The following LRRC2 variants were observed in gnomAD, a reference collection of about 807,000 sequenced individuals.
LRRC2 encodes leucine rich repeat containing 2, also known as leucine-rich repeat-containing protein 2.
Under a neutral mutation model 40.2 loss-of-function variants are expected in LRRC2, and 27 were observed. The observed-to-expected ratio is 0.67, with a 90% CI of 0.49 to 0.93. The LOEUF (loss-of-function observed/expected upper bound fraction) is 0.93, where lower values mean the gene tolerates loss of function less well. Ranked by LOEUF, LRRC2 falls within the 40% of genes least tolerant of loss-of-function variation. LRRC2 has a pLI of 0.00. For missense variants in LRRC2, 402 were observed against 439.6 expected, an observed-to-expected ratio of 0.91 and a Z score of 0.76; for synonymous variants, 147 against 158.9, an observed-to-expected ratio of 0.92 and a Z score of 0.56.
intron 6 of LRRC2, among the ~76,000 whole-genome samples, chr3:46,528,974 A>G (rs1470309750): frequency 1.3e-5 from 2 of 152,110 alleles, no homozygotes; most frequent in African/African-American, 4.8e-5. Context: ...AAAAGTAGCC[A>G]GGCATGATGG....
At chr3:46,554,567 GGGAGGC>G (rs1704744042) in intron 1 of LRRC2, among the ~76,000 whole-genome samples, 1 of 151,766 alleles carries the variant, frequency 6.6e-6, no homozygotes, top group Non-Finnish European at 1.5e-5. Context: ...GCTTGAACCT[GGGAGGC>G]GGAGGTTGCA....
chr3:46,538,175 G>A (rs530189441), intron 4 of LRRC2, among the ~76,000 whole-genome samples: 8 of 152,256 alleles, frequency 5.3e-5, no homozygotes, highest in South Asian at 4.1e-4. Flanking sequence ...ATAACTATGC[G>A]AAACCACTGG....
chr3:46,547,494 A>C (rs950102975), intron 2 of LRRC2, among the ~76,000 whole-genome samples: 3 of 150,014 alleles, frequency 2.0e-5, no homozygotes, highest in Middle Eastern at 3.5e-3. Context: ...CAAAAAATAC[A>C]AGAAAAAAAA....
rs571972119 is a variant in LRRC2 at position 46,550,477 on chromosome 3, G to A, written c.125+990C>T. 3.3e-4 allele frequency among the ~76,000 whole-genome samples: 46 copies of A among 141,406 alleles called. 1 individual carries two copies. Among genetic ancestry groups the A allele is most frequent in the South Asian group, 3.0e-3 (13 of 4,302 alleles). 92.8% of individuals were successfully genotyped at this position (141,406 alleles called of 152,430 possible). ...CAGCTCACTGCAAGCTCTGCCTCCCGGGTTCACGCCATTCTCCTGCCTTCC... is the reference window on the plus strand; with the variant it reads ...CAGCTCACTGCAAGCTCTGCCTCCCAGGTTCACGCCATTCTCCTGCCTTCC... On this transcript the variant is annotated intron_variant, in intron 2 of 8. Coordinates refer to ENST00000395905, the MANE Select transcript of LRRC2 (RefSeq NM_024512.5).
chr3:46,521,573 G>A lies in LRRC2; in HGVS notation c.1015C>T (p.His339Tyr). Residue 339 changes from histidine to tyrosine, a missense_variant, in exon 8 of 9, where the codon CAT (histidine) becomes TAT (tyrosine). Coordinates refer to ENST00000395905, the MANE Select transcript of LRRC2 (RefSeq NM_024512.5). ...GCTTTCATAACTTCTTTATCAAAAT[G>A]TTGGCGATCCCGTTCACTTTCCATT... ...EIMESERDRQHFDKEVMKAYI... is the reference protein window; with the variant it reads ...EIMESERDRQYFDKEVMKAYI... The A allele has an allele frequency of 6.2e-7, 1 of 1,612,806 alleles. No individual in the cohort carries two copies. Among genetic ancestry groups the A allele is most frequent in the Non-Finnish European group, 8.5e-7 (1 of 1,179,556 alleles).
chr3:46,562,026 G>T (rs182244944), intron 1 of LRRC2, among the ~76,000 whole-genome samples: 1 of 152,298 alleles, frequency 6.6e-6, no homozygotes, highest in East Asian at 1.9e-4. Flanking sequence ...TATCCACAAA[G>T]TCTTTCACAT....
intron 6 of LRRC2, 98 bp from the exon 7 acceptor site, chr3:46,527,679 T>G (rs1704084387): frequency 9.5e-7 from 1 of 1,052,036 alleles, no homozygotes; most frequent in African/African-American, 1.6e-5. Context: ...AGTCCCTACT[T>G]TATTTTATAC....
At chr3:46,565,030 G>A (rs183882124) in intron 1 of LRRC2, among the ~76,000 whole-genome samples, 1 of 152,332 alleles carries the variant, frequency 6.6e-6, no homozygotes, top group Admixed American at 6.5e-5. Context: ...AGAAACGGGG[G>A]TAAATAGGAG....
intron 3 of LRRC2, among the ~76,000 whole-genome samples, chr3:46,542,864 C>A (rs1483147149): frequency 6.6e-6 from 1 of 152,196 alleles, no homozygotes; most frequent in East Asian, 1.9e-4. Flanking sequence ...TCAGCCAGCC[C>A]TAAGGGCCGC....
intron 4 of LRRC2, among the ~76,000 whole-genome samples, chr3:46,533,977 G>A (rs376292440): frequency 4.7e-5 from 7 of 147,492 alleles, no homozygotes; most frequent in African/African-American, 1.3e-4. Flanking sequence ...TTCTTATATC[G>A]GTATACGTGT....
chr3:46,552,684 C>T (rs138542991), intron 1 of LRRC2, among the ~76,000 whole-genome samples: 70 of 152,236 alleles, frequency 4.6e-4, no homozygotes, highest in African/African-American at 1.6e-3. Flanking sequence ...ATCCCCAGCC[C>T]TCATCATCTG....
intron 7 of LRRC2, among the ~76,000 whole-genome samples, chr3:46,525,974 G>A (rs986640394): frequency 2.8e-5 from 4 of 145,126 alleles, no homozygotes; most frequent in Admixed American, 2.1e-4. Context: ...TTCTTTTTTT[G>A]ATGGAGTCTA....
chr3:46,552,440 T>C (rs1021149309), intron 1 of LRRC2, among the ~76,000 whole-genome samples: 10 of 152,092 alleles, frequency 6.6e-5, no homozygotes, highest in Admixed American at 6.5e-5. Context: ...AAGTCCCCTT[T>C]TGTTGGTAGA....
intron 1 of LRRC2, among the ~76,000 whole-genome samples, chr3:46,554,764 A>T (rs1704750747): frequency 6.6e-6 from 1 of 152,154 alleles, no homozygotes; most frequent in Non-Finnish European, 1.5e-5. Flanking sequence ...AATATAAAGG[A>T]GAATTGTTAG....
chr3:46,542,774 A>G (rs1016799355), intron 3 of LRRC2, among the ~76,000 whole-genome samples: 1 of 152,186 alleles, frequency 6.6e-6, no homozygotes, highest in African/African-American at 2.4e-5. Flanking sequence ...GATCTCCCCT[A>G]TACGAGCAGG....
intron 6 of LRRC2, among the ~76,000 whole-genome samples, chr3:46,529,619 G>A (rs1248789168): frequency 3.3e-5 from 5 of 152,162 alleles, no homozygotes; most frequent in Non-Finnish European, 7.3e-5. Flanking sequence ...CACTTCTGTA[G>A]AGTGAAGGAA....
intron 7 of LRRC2, among the ~76,000 whole-genome samples, chr3:46,525,268 T>A (rs1355666887): frequency 1.3e-5 from 2 of 151,302 alleles, no homozygotes; most frequent in Non-Finnish European, 2.9e-5. Flanking sequence ...TTTCTTTTTT[T>A]TAGACAGGGT....
At chr3:46,563,831 C>T (rs1014216615) in intron 1 of LRRC2, among the ~76,000 whole-genome samples, 2 of 152,162 alleles carry the variant, frequency 1.3e-5, no homozygotes, top group Admixed American at 6.5e-5. Flanking sequence ...ACTGGTGGGG[C>T]CTCTCCATCA....
chr3:46,547,678 A>C (rs9884011), intron 2 of LRRC2, among the ~76,000 whole-genome samples: 2 of 151,092 alleles, frequency 1.3e-5, no homozygotes, highest in Non-Finnish European at 2.9e-5. Context: ...GAAAAAAAAA[A>C]ATATATATAT....
Sources: allele counts gnomAD v4.1 joint callset (sites outside exome capture counted in the v4.1 genomes callset), GRCh38; gene constraint gnomAD v4.1.1; transcripts MANE v1.5; gene names NCBI Gene and HGNC (gene_info 2026-07-23, HGNC 2026-07-21).